AP2B1: variants seen among roughly 807,000 people sequenced by gnomAD.
The protein encoded by AP2B1 is adaptor related protein complex 2 subunit beta 1, also known as AP-2 complex subunit beta.
A neutral mutation model predicts 102.0 loss-of-function variants in AP2B1; 23 were observed. The observed-to-expected ratio is 0.23, with a 90% CI of 0.16 to 0.32. The LOEUF is 0.32. AP2B1 is among the 10% of genes least tolerant of loss of function. The pLI is 1.00. For missense variants in AP2B1, 541 were observed against 1,157.4 expected (o/e 0.47, Z 7.73); for synonymous variants, 381 against 421.2 (o/e 0.90, Z 1.17).
chr17:35,633,185 C>A (rs1395151739), intron 9 of AP2B1, among the ~76,000 whole-genome samples: 2 of 151,942 alleles, frequency 1.3e-5, no homozygotes, highest in East Asian at 3.9e-4. Context: ...CATGGTGAAA[C>A]CCTGTCTGTA....
intron 18 of AP2B1, among the ~76,000 whole-genome samples, chr17:35,703,390 T>C (rs1053384587): frequency 2.6e-5 from 4 of 152,098 alleles, no homozygotes; most frequent in African/African-American, 9.7e-5. Flanking sequence ...CTATGTTCAT[T>C]GCAGCACTAT....
Position 35,650,471 on chromosome 17 carries a change from T to G in AP2B1, c.1537-59T>G, listed in dbSNP as rs558603819. 4.0e-4 allele frequency: 622 copies of G among 1,573,310 alleles called. 1 individual carries two copies. Among genetic ancestry groups the G allele is most frequent in the Non-Finnish European group, 2.0e-4 (227 of 1,157,778 alleles). ...TTGGTTGATGATAAATCCAGCAGTT[T>G]GGGTTTCTGTATGGAGAACAGTTTC... On this transcript the variant is annotated intron_variant, in intron 12 of 21. Coordinates refer to ENST00000610402, the MANE Select transcript of AP2B1 (RefSeq NM_001030006.2).
chr17:35,594,310 C>G (rs1271748178), intron 2 of AP2B1, among the ~76,000 whole-genome samples: 1 of 152,220 alleles, frequency 6.6e-6, no homozygotes, highest in Non-Finnish European at 1.5e-5. Context: ...AGAGACTCCT[C>G]TTTGCTGTTT....
At chr17:35,692,552 A>G (rs1456485958) in intron 18 of AP2B1, among the ~76,000 whole-genome samples, 2 of 152,198 alleles carry the variant, frequency 1.3e-5, no homozygotes, top group African/African-American at 2.4e-5. Context: ...AATTACAGAG[A>G]ACTCACTCAG....
chr17:35,639,693 A>G lies in AP2B1; in HGVS notation c.1370A>G (p.Glu457Gly), dbSNP rs1179054320. ...AMIWIVGEYA[E>G]RIDNADELLE... ...ATTTGGATTGTGGGAGAATATGCTG[A>G]AAGAATTGACAATGCAGATGAGTTA... The change falls in exon 11 of 22, where the codon GAA becomes GGA. Residue 457 changes from glutamate (E) to glycine (G), a missense_variant. By Grantham distance (98) the Glu-to-Gly change is moderately conservative. Coordinates refer to ENST00000610402, the MANE Select transcript of AP2B1 (RefSeq NM_001030006.2). The G allele has an allele frequency of 6.2e-7, 1 of 1,614,098 alleles. No homozygotes were observed. The highest frequency in any genetic ancestry group is 8.5e-7 in the Non-Finnish European group (1 of 1,180,036).
At chr17:35,666,171 C>T (rs772804093) in intron 14 of AP2B1, among the ~76,000 whole-genome samples, 8 of 152,142 alleles carry the variant, frequency 5.3e-5, no homozygotes, top group Non-Finnish European at 8.8e-5. Flanking sequence ...CCTGGCTCTA[C>T]AGAGCTCATG....
intron 18 of AP2B1, among the ~76,000 whole-genome samples, chr17:35,706,116 A>T (rs2076336109): frequency 6.6e-6 from 1 of 152,164 alleles, no homozygotes; most frequent in South Asian, 2.1e-4. Context: ...GTCCCAGGAA[A>T]GCCCTCAGGG....
chr17:35,622,703 C>T lies in AP2B1; in HGVS notation c.526-1694C>T, dbSNP rs1237396927. ...TTTTTGAGACGGAGTCTCACTCTGT[C>T]GCCCAAGCTGGAGTGCAGTGGCGTG... On this transcript the variant is annotated intron_variant, in intron 5 of 21. Coordinates refer to ENST00000610402, the MANE Select transcript of AP2B1 (RefSeq NM_001030006.2). 1.2e-4 allele frequency among the ~76,000 whole-genome samples: 18 copies of T among 152,170 alleles called. No homozygotes were observed. The South Asian group carries it at 2.9e-3, about 24-fold the overall frequency.
At chr17:35,702,311 G>A (rs2076254437) in intron 18 of AP2B1, among the ~76,000 whole-genome samples, 1 of 152,190 alleles carries the variant, frequency 6.6e-6, no homozygotes, top group Non-Finnish European at 1.5e-5. Context: ...ATAATATTTG[G>A]TTAAAGCAAA....
At chr17:35,688,837 G>A (rs979415972) in intron 18 of AP2B1, among the ~76,000 whole-genome samples, 3 of 152,036 alleles carry the variant, frequency 2.0e-5, no homozygotes, top group African/African-American at 2.4e-5. Flanking sequence ...GGTGGCACAC[G>A]CCTATAGTCC....
rs1330083997 is a variant in AP2B1 at position 35,650,902 on chromosome 17, A to G, written c.1796+113A>G. On this transcript the variant is annotated intron_variant, in intron 13 of 21. Transcript: ENST00000610402. ...AACTGCTGTACATTTTTGCTTCTTT[A>G]TGCTTTTATAGTCTGGAAAAGAACT... The G allele has an allele frequency of 4.5e-5, 57 of 1,263,092 alleles. No individual in the cohort carries two copies. The East Asian group carries it at 7.1e-4, about 16-fold the overall frequency. The allele number at this position is 1,263,092 out of a possible 1,614,324, so 78.2% of individuals were successfully genotyped here.
chr17:35,594,009 T>G lies in AP2B1; in HGVS notation c.-22T>G, dbSNP rs2073181934. ...AGGAATTCTTTTCTCTTGCTATAGG[T>G]GCACATTAAAGATCCAAAGTCATGA... On this transcript the variant is annotated splice_region_variant and 5_prime_UTR_variant, in exon 2 of 22. Transcript: ENST00000610402. 2 of 1,565,136 alleles carry G rather than the reference T, an allele frequency of 1.3e-6. No individual in the cohort carries two copies. Among genetic ancestry groups the G allele is most frequent in the African/African-American group, 1.4e-5 (1 of 73,380 alleles).
intron 20 of AP2B1, among the ~76,000 whole-genome samples, chr17:35,710,999 G>A (rs1183838257): frequency 6.6e-6 from 1 of 152,092 alleles, no homozygotes; most frequent in Non-Finnish European, 1.5e-5. Flanking sequence ...CCATTAAAGA[G>A]CTCCGTACTC....
intron 6 of AP2B1, among the ~76,000 whole-genome samples, chr17:35,625,493 ACATT>A (rs1449612482): frequency 5.9e-5 from 9 of 152,256 alleles, no homozygotes; most frequent in Non-Finnish European, 1.2e-4. Flanking sequence ...CATTGACATC[ACATT>A]CATTCATTCA....
intron 13 of AP2B1, among the ~76,000 whole-genome samples, chr17:35,654,501 CA>C (rs1192321508): frequency 6.6e-6 from 1 of 152,106 alleles, no homozygotes; most frequent in Non-Finnish European, 1.5e-5. Flanking sequence ...ATTTATTGCC[CA>C]TACAGTTGTT....
rs587678601 is a variant in AP2B1 at position 35,702,184 on chromosome 17, G to T, written c.2455-7040G>T. On this transcript the variant is annotated intron_variant, in intron 18 of 21. Coordinates refer to ENST00000610402, the MANE Select transcript of AP2B1 (RefSeq NM_001030006.2). ...ACATAGTATATCAGATGGTAGGGAG[G>T]ACAGTGGAAAAATATAAAAGAAGTA... 2.6e-5 allele frequency among the ~76,000 whole-genome samples: 4 copies of T among 152,342 alleles called. No individual in the cohort carries two copies. In the South Asian group the frequency reaches 6.2e-4, roughly 24 times the overall value.
chr17:35,629,704 T>C (rs1266541315), intron 9 of AP2B1, among the ~76,000 whole-genome samples: 1 of 152,256 alleles, frequency 6.6e-6, no homozygotes, highest in Non-Finnish European at 1.5e-5. Context: ...TTAGGACTTC[T>C]GTATACATAG....
intron 5 of AP2B1, among the ~76,000 whole-genome samples, chr17:35,618,850 A>T (rs2074095473): frequency 6.6e-6 from 1 of 152,212 alleles, no homozygotes; most frequent in Non-Finnish European, 1.5e-5. Flanking sequence ...ATCATATTTT[A>T]TAGCTAGGTA....
intron 5 of AP2B1, among the ~76,000 whole-genome samples, chr17:35,613,179 G>T (rs1192939735): frequency 6.6e-6 from 1 of 150,662 alleles, no homozygotes; most frequent in Non-Finnish European, 1.5e-5. Flanking sequence ...AGAAAAGAAT[G>T]AATGCTTCCA....
Sources: gnomAD v4.1 joint callset for allele counts (sites outside exome capture counted in the v4.1 genomes callset) on GRCh38, gnomAD v4.1.1 for gene constraint, MANE v1.5 for transcripts, NCBI Gene and HGNC (gene_info 2026-07-23, HGNC 2026-07-21) for gene names.